PALM2AKAP2: variants seen among roughly 807,000 people sequenced by gnomAD.
PALM2AKAP2 encodes PALM2-AKAP2 fusion protein.
Under a neutral mutation model 71.5 loss-of-function variants are expected in PALM2AKAP2, and 37 were observed. The observed-to-expected ratio is 0.52, with a 90% CI of 0.40 to 0.68. The LOEUF (loss-of-function observed/expected upper bound fraction) is 0.68. Ranked by LOEUF, PALM2AKAP2 falls within the 30% of genes least tolerant of loss-of-function variation. PALM2AKAP2 has a pLI of 0.00. For missense variants in PALM2AKAP2, 1,224 were observed against 1,191.8 expected (o/e 1.03, Z -0.40); for synonymous variants, 468 against 478.8 (o/e 0.98, Z 0.29).
At chr9:110,160,438 C>G (rs1213121140) in intron 3 of PALM2AKAP2, among the ~76,000 whole-genome samples, 1 of 152,156 alleles carries the variant, frequency 6.6e-6, no homozygotes, top group Non-Finnish European at 1.5e-5. Flanking sequence ...CTTCTTGATG[C>G]CTTGCAAAGC....
intron 2 of PALM2AKAP2, among the ~76,000 whole-genome samples, chr9:109,873,591 A>G (rs1217228837): frequency 6.6e-6 from 1 of 152,238 alleles, no homozygotes; most frequent in African/African-American, 2.4e-5. Context: ...AGTAAAAAGT[A>G]AAATCATGAA....
chr9:109,831,265 T>A (rs1010327980), intron 1 of PALM2AKAP2, among the ~76,000 whole-genome samples: 1 of 152,126 alleles, frequency 6.6e-6, no homozygotes, highest in Non-Finnish European at 1.5e-5. Flanking sequence ...TGTGCCTCTC[T>A]GTAGCTGAAG....
chr9:109,809,719 G>A (rs944175423), intron 1 of PALM2AKAP2, among the ~76,000 whole-genome samples: 10 of 152,174 alleles, frequency 6.6e-5, no homozygotes, highest in African/African-American at 2.4e-4. Flanking sequence ...ATATGGTTTG[G>A]CTGTGTCCCC....
At chr9:109,795,954 G>A (rs534859098) in intron 1 of PALM2AKAP2, among the ~76,000 whole-genome samples, 1 of 152,196 alleles carries the variant, frequency 6.6e-6, no homozygotes, top group Non-Finnish European at 1.5e-5. Flanking sequence ...AAAGAGAGGG[G>A]CAAAGAATAT....
intron 6 of PALM2AKAP2, among the ~76,000 whole-genome samples, chr9:109,938,767 G>A (rs541056207): frequency 3.3e-5 from 5 of 152,274 alleles, no homozygotes; most frequent in African/African-American, 7.2e-5. Context: ...GGTAGCTCAC[G>A]CCTGTAATCT....
chr9:109,821,605 T>A (rs2131492539), intron 1 of PALM2AKAP2, among the ~76,000 whole-genome samples: 1 of 152,328 alleles, frequency 6.6e-6, no homozygotes, highest in Non-Finnish European at 1.5e-5. Flanking sequence ...TGTTTCTGCC[T>A]TCAAGACATC....
intron 1 of PALM2AKAP2, among the ~76,000 whole-genome samples, chr9:109,741,600 T>C (rs1413575823): frequency 1.3e-5 from 2 of 152,238 alleles, no homozygotes; most frequent in Non-Finnish European, 2.9e-5. Context: ...CTTCCATTGT[T>C]CCACATGTTC....
chr9:109,864,320 G>A (rs943145528), intron 1 of PALM2AKAP2, among the ~76,000 whole-genome samples: 1 of 152,186 alleles, frequency 6.6e-6, no homozygotes, highest in African/African-American at 2.4e-5. Context: ...CTTTCCCACT[G>A]TTACCCCTTC....
intron 2 of PALM2AKAP2, among the ~76,000 whole-genome samples, chr9:110,148,290 C>T (rs1836227667): frequency 6.6e-6 from 1 of 152,086 alleles, no homozygotes; most frequent in South Asian, 2.1e-4. Flanking sequence ...TAGGTATAAA[C>T]CCAATATCAG....
At chr9:109,967,716 C>A (rs533479053) in intron 6 of PALM2AKAP2, among the ~76,000 whole-genome samples, 6 of 152,160 alleles carry the variant, frequency 3.9e-5, no homozygotes, top group Non-Finnish European at 8.8e-5. Flanking sequence ...GGCTGAGACT[C>A]CATGTCTTGA....
intron 6 of PALM2AKAP2, among the ~76,000 whole-genome samples, chr9:109,961,260 A>T (rs984448048): frequency 6.6e-6 from 1 of 152,276 alleles, no homozygotes; most frequent in Non-Finnish European, 1.5e-5. Context: ...AAGTTGCAGG[A>T]ATCAGTTTAT....
chr9:109,839,987 C>T (rs543181083), intron 1 of PALM2AKAP2, among the ~76,000 whole-genome samples: 94 of 152,330 alleles, frequency 6.2e-4, no homozygotes, highest in Middle Eastern at 3.4e-3. Flanking sequence ...CTACCAATGA[C>T]TTTCTTCATA....
chr9:109,888,530 G>A (rs1231391369), intron 3 of PALM2AKAP2, among the ~76,000 whole-genome samples: 1 of 151,944 alleles, frequency 6.6e-6, no homozygotes, highest in Non-Finnish European at 1.5e-5. Flanking sequence ...CCAACATGGT[G>A]AAACCTCTTC....
At chr9:109,780,154 G>C (rs1326413690), upstream of PALM2AKAP2, 6 of 345,914 alleles carry the variant, frequency 1.7e-5, no homozygotes, top group Non-Finnish European at 2.4e-5. Context: ...CGTCAGGGCG[G>C]AGAACTAGCG....
chr9:110,146,665 CTG>C (rs1196503270), intron 2 of PALM2AKAP2, among the ~76,000 whole-genome samples: 1 of 152,124 alleles, frequency 6.6e-6, no homozygotes, highest in Non-Finnish European at 1.5e-5. Context: ...CAGAATATGA[CTG>C]TGTCTTTTAC....
chr9:109,996,849 TG>T (rs1460609482), intron 6 of PALM2AKAP2, among the ~76,000 whole-genome samples: 1 of 152,234 alleles, frequency 6.6e-6, no homozygotes, highest in Non-Finnish European at 1.5e-5. Context: ...CACACAAGCC[TG>T]CACATAAATG....
intron 7 of PALM2AKAP2, among the ~76,000 whole-genome samples, chr9:110,022,711 A>G (rs1833095843): frequency 4.6e-5 from 7 of 151,828 alleles, no homozygotes; most frequent in Admixed American, 4.6e-4. Flanking sequence ...TGTATCTCCT[A>G]ATGCTATCCC....
chr9:110,041,366 A>G (rs1303908516), intron 7 of PALM2AKAP2, among the ~76,000 whole-genome samples: 1 of 152,036 alleles, frequency 6.6e-6, no homozygotes, highest in African/African-American at 2.4e-5. Flanking sequence ...GGGTGGTACA[A>G]TGTTATGTCA....
chr9:109,683,875 A>C (rs921888561), intron 1 of PALM2AKAP2, among the ~76,000 whole-genome samples: 1 of 152,130 alleles, frequency 6.6e-6, no homozygotes, highest in Non-Finnish European at 1.5e-5. Flanking sequence ...TATAATATAC[A>C]TTATATAGTG....
Sources: gnomAD v4.1 joint callset for allele counts (sites outside exome capture counted in the v4.1 genomes callset) on GRCh38, gnomAD v4.1.1 for gene constraint, MANE v1.5 for transcripts, NCBI Gene and HGNC (gene_info 2026-07-23, HGNC 2026-07-21) for gene names.